Variants in SNTG2 observed in about 807,000 individuals in gnomAD.
SNTG2 encodes syntrophin gamma 2.
SNTG2 carries 74 observed loss-of-function variants against 70.9 expected under a neutral mutation model. The observed-to-expected ratio is 1.04, with a 90% CI of 0.86 to 1.27. SNTG2 has a LOEUF of 1.27. Ranked by LOEUF, SNTG2 falls within the 50% of genes most tolerant of loss-of-function variation. The pLI is 0.00. For missense variants in SNTG2, 717 were observed against 690.7 expected (o/e 1.04, Z -0.43); for synonymous variants, 278 against 273.8 (o/e 1.02, Z -0.15).
At chr2:1,365,504 A>G (rs917724507) in intron 16 of SNTG2, among the ~76,000 whole-genome samples, 4 of 152,174 alleles carry the variant, frequency 2.6e-5, no homozygotes, top group Non-Finnish European at 5.9e-5. Flanking sequence ...GTTGGTACCC[A>G]ATGTCCCCCA....
intron 1 of SNTG2, among the ~76,000 whole-genome samples, chr2:968,580 A>G (rs1231236859): frequency 6.6e-6 from 1 of 151,764 alleles, no homozygotes; most frequent in East Asian, 1.9e-4. Flanking sequence ...GATCTGGGGT[A>G]TTTCTTGCCT....
At chr2:1,228,844 T>C (rs748765990) in intron 9 of SNTG2, among the ~76,000 whole-genome samples, 13 of 152,186 alleles carry the variant, frequency 8.5e-5, no homozygotes, top group Non-Finnish European at 1.9e-4. Flanking sequence ...CTGGAGTTTG[T>C]TCCTTCTGAT....
intron 1 of SNTG2, among the ~76,000 whole-genome samples, chr2:1,071,872 A>G (rs1325389037): frequency 6.6e-6 from 1 of 152,200 alleles, no homozygotes; most frequent in African/African-American, 2.4e-5. Context: ...AATGGCCAGG[A>G]TAGATCAAAC....
intron 14 of SNTG2, among the ~76,000 whole-genome samples, chr2:1,293,272 T>C (rs946921542): frequency 1.3e-5 from 2 of 151,986 alleles, no homozygotes; most frequent in Non-Finnish European, 2.9e-5. Context: ...AGATAAAGCA[T>C]TGCCATTTTA....
intron 16 of SNTG2, among the ~76,000 whole-genome samples, chr2:1,338,832 A>T (rs1659944485): frequency 6.6e-6 from 1 of 152,204 alleles, no homozygotes; most frequent in African/African-American, 2.4e-5. Context: ...ATGCACATTT[A>T]CATGCAAGTA....
chr2:1,100,887 T>C (rs997986796), intron 4 of SNTG2, among the ~76,000 whole-genome samples: 7 of 152,134 alleles, frequency 4.6e-5, no homozygotes, highest in Non-Finnish European at 8.8e-5. Context: ...ATTTTACCTG[T>C]AGGGGAGAAA....
chr2:1,197,505 A>ATATATATATGTGTATATATATATATG, intron 8 of SNTG2, among the ~76,000 whole-genome samples: 1 of 82,342 alleles, frequency 1.2e-5, no homozygotes, highest in African/African-American at 3.8e-5. Flanking sequence ...ATATATGTGT[A>ATATATATATGTGTATATATATATATG]TGTATATATA....
At chr2:1,163,777 C>T (rs1392162393) in intron 6 of SNTG2, 1 of 152,246 alleles carries the variant, frequency 6.6e-6, no homozygotes, top group East Asian at 1.9e-4. Context: ...GAAGCACCGA[C>T]ATATTTAAGG....
chr2:1,028,694 T>G (rs1185528909), intron 1 of SNTG2, among the ~76,000 whole-genome samples: 1 of 152,032 alleles, frequency 6.6e-6, no homozygotes, highest in Non-Finnish European at 1.5e-5. Context: ...CTCCAACACA[T>G]TCCTGGTCCT....
chr2:982,423 C>A (rs977753058), intron 1 of SNTG2, among the ~76,000 whole-genome samples: 3 of 152,202 alleles, frequency 2.0e-5, no homozygotes, highest in African/African-American at 2.4e-5. Context: ...ACGGGCATGT[C>A]CCAGCCCCAC....
At chr2:1,144,019 T>C (rs1422487277) in intron 6 of SNTG2, among the ~76,000 whole-genome samples, 1 of 152,132 alleles carries the variant, frequency 6.6e-6, no homozygotes, top group East Asian at 1.9e-4. Flanking sequence ...CAGTTGACAG[T>C]GTTGAAGCTG....
At chr2:1,022,799 A>G (rs1406359712) in intron 1 of SNTG2, among the ~76,000 whole-genome samples, 1 of 152,160 alleles carries the variant, frequency 6.6e-6, no homozygotes, top group South Asian at 2.1e-4. Context: ...TCCCCCTTCC[A>G]TGAGAATCTC....
intron 1 of SNTG2, among the ~76,000 whole-genome samples, chr2:975,451 A>G (rs1660879310): frequency 6.6e-6 from 1 of 152,256 alleles, no homozygotes; most frequent in Non-Finnish European, 1.5e-5. Context: ...GCAAACAGCA[A>G]CAGTTCCCCT....
chr2:1,223,884 G>A (rs1202084108), intron 9 of SNTG2, among the ~76,000 whole-genome samples: 1 of 151,956 alleles, frequency 6.6e-6, no homozygotes, highest in East Asian at 1.9e-4. Context: ...ACAGATGGGT[G>A]GCCTTATGCA....
At chr2:1,224,808 A>G (rs566427436) in intron 9 of SNTG2, among the ~76,000 whole-genome samples, 9 of 152,268 alleles carry the variant, frequency 5.9e-5, no homozygotes, top group South Asian at 2.1e-4. Flanking sequence ...TCTATGGCTC[A>G]TTTCAGACGC....
chr2:1,150,616 T>C (rs62105989), intron 6 of SNTG2, among the ~76,000 whole-genome samples: 142,437 of 152,068 alleles, frequency 0.94, 66,836 homozygotes, highest in Non-Finnish European at 0.97. Context: ...AACATGCTTA[T>C]GGAATTCAGT....
At chr2:1,266,751 C>CTTTTTTTTTT (rs59679083) in intron 13 of SNTG2, among the ~76,000 whole-genome samples, 10,909 of 107,712 alleles carry the variant, frequency 0.1, 1,305 homozygotes, top group South Asian at 0.13. Context: ...TCATCTTTAT[C>CTTTTTTTTTT]TTTTTTTTTT....
Position 1,237,889 on chromosome 2 carries a change from T to A in SNTG2, c.721T>A (p.Trp241Arg), listed in dbSNP as rs760878590. 7 of 1,599,558 alleles carry A rather than the reference T, an allele frequency of 4.4e-6. No individual in the cohort carries two copies. The African/African-American group carries it at 8.0e-5, about 18-fold the overall frequency. ...CTGGACAGCTCTCTCCCTCCCCAGG[T>A]GGAATGCGTTCGAGGTGCTCGCCCT... ...RYKAGTEKLR[W>R]NAFEVLALDG... Residue 241 changes from tryptophan (W) to arginine (R), a missense_variant and splice_region_variant, in exon 10 of 17, where the codon TGG becomes AGG. Transcript: ENST00000308624.
At chr2:1,329,727 A>C (rs1035408221) in intron 16 of SNTG2, among the ~76,000 whole-genome samples, 1 of 152,232 alleles carries the variant, frequency 6.6e-6, no homozygotes, top group Non-Finnish European at 1.5e-5. Context: ...AAACCAGCAG[A>C]AGTTTATTAA....
Sources: gnomAD v4.1 joint callset for allele counts (sites outside exome capture counted in the v4.1 genomes callset) on GRCh38, gnomAD v4.1.1 for gene constraint, MANE v1.5 for transcripts, NCBI Gene and HGNC (gene_info 2026-07-23, HGNC 2026-07-21) for gene names.